The following THRAP3 variants were observed in gnomAD, a reference collection of about 807,000 sequenced individuals.
THRAP3 encodes the protein thyroid hormone receptor associated protein 3, also known as thyroid hormone receptor-associated protein 3.
A neutral mutation model predicts 101.0 loss-of-function variants in THRAP3; 16 were observed. That is an observed-to-expected ratio of 0.16 (90% CI 0.11 to 0.24). THRAP3 has a LOEUF of 0.24. Among genes scored for constraint, THRAP3 ranks in the 10% least tolerant of loss-of-function variants. The probability of loss-of-function intolerance (pLI) is 1.00; values close to 1 mark genes in which losing one functional copy is unlikely to be tolerated. For synonymous variants in THRAP3, 407 were observed against 422.6 expected (o/e 0.96, Z 0.45); for missense variants, 989 against 1,202.7 (o/e 0.82, Z 2.63).
In THRAP3 at chr1:36,269,780, T is replaced by C. The variant is rs1389665331; in HGVS notation, c.-32+10296T>C. ...CTTCTGTAGAGACAGGGTCTCACTA[T>C]GTTGCCCAGGCTGATTCGACATCCT... On this transcript the variant is annotated intron_variant, in intron 2 of 11. Coordinates refer to ENST00000354618, the MANE Select transcript of THRAP3 (RefSeq NM_005119.4). Among the ~76,000 whole-genome samples the C allele has an allele frequency of 3.3e-5, 5 of 152,068 alleles. No homozygotes were observed. The East Asian group carries it at 5.8e-4, about 18-fold the overall frequency.
At chr1:36,245,327 C>A (rs574230223) in intron 1 of THRAP3, among the ~76,000 whole-genome samples, 62 of 151,722 alleles carry the variant, frequency 4.1e-4, no homozygotes, top group African/African-American at 1.5e-3. Flanking sequence ...CCATCACACC[C>A]GGCTAATTTT....
intron 2 of THRAP3, among the ~76,000 whole-genome samples, chr1:36,262,419 CAAAAT>C (rs1227170514): frequency 1.3e-5 from 2 of 152,160 alleles, no homozygotes; most frequent in South Asian, 2.1e-4. Context: ...TAATATAAAA[CAAAAT>C]AAATCTAACA....
intron 1 of THRAP3, among the ~76,000 whole-genome samples, chr1:36,241,537 A>T (rs1645161274): frequency 6.6e-6 from 1 of 151,306 alleles, no homozygotes; most frequent in African/African-American, 2.4e-5. Context: ...TAAGACATTA[A>T]CATGAGTAGA....
At chr1:36,262,256 A>C (rs1645456099) in intron 2 of THRAP3, among the ~76,000 whole-genome samples, 1 of 152,224 alleles carries the variant, frequency 6.6e-6, no homozygotes, top group South Asian at 2.1e-4. Context: ...ATCTCAGTTC[A>C]GATCAGCCAC....
At chr1:36,289,856 CCTTCTGTCTTAAG>C in intron 5 of THRAP3, 92 bp downstream of exon 5, 1 of 1,471,350 alleles carries the variant, frequency 6.8e-7, no homozygotes, top group Non-Finnish European at 9.0e-7. Context: ...CTGTATTCCC[CCTTCTGTCTTAAG>C]CTTCAGTGGT....
At chr1:36,297,416 T>G (rs1010337147) in intron 9 of THRAP3, among the ~76,000 whole-genome samples, 53 of 152,124 alleles carry the variant, frequency 3.5e-4, no homozygotes, top group African/African-American at 1.3e-3. Flanking sequence ...GCAACACTTC[T>G]GCTGATTTTG....
At chr1:36,216,517 A>T in the THRAP3 span, among the ~76,000 whole-genome samples, 1 of 147,122 alleles carries the variant, frequency 6.8e-6, no homozygotes, top group Non-Finnish European at 1.5e-5. Context: ...AAAAAAAAAA[A>T]AATGCCGGGT....
chr1:36,209,120 G>A, the THRAP3 span, among the ~76,000 whole-genome samples: 1 of 151,660 alleles, frequency 6.6e-6, no homozygotes, highest in African/African-American at 2.4e-5. Flanking sequence ...GGAACTACAG[G>A]CACACTGATA....
At position 36,301,596 on chromosome 1, in the gene THRAP3, C is replaced by G. The variant is rs200329766; in HGVS notation, c.2546C>G (p.Ser849Cys). 70 of 1,614,050 alleles carry G rather than the reference C, an allele frequency of 4.3e-5. No individual in the cohort carries two copies. Among genetic ancestry groups the G allele is most frequent in the Admixed American group, 4.3e-4 (26 of 59,996 alleles). The change falls in exon 11 of 12, where the codon TCT becomes TGT. Residue 849 changes from serine (S) to cysteine (C), a missense_variant. By Grantham distance (112) the Ser-to-Cys change is moderately radical. Coordinates refer to ENST00000354618, the MANE Select transcript of THRAP3 (RefSeq NM_005119.4). ...AGAGGCTGGGGCAGAGGCAACTACT[C>G]TGGGAACAATAACAACAACAGCAAC... The part of the protein sequence containing the change: ...RGRGWGRGNY[S>C]GNNNNNSNND...
chr1:36,223,032 C>T (rs1228313747), upstream of THRAP3, among the ~76,000 whole-genome samples: 1 of 152,084 alleles, frequency 6.6e-6, no homozygotes, highest in Admixed American at 6.6e-5. Context: ...GAGGCTTAGG[C>T]AGGAGAATCG....
chr1:36,214,913 C>T, the THRAP3 span, among the ~76,000 whole-genome samples: 1 of 150,990 alleles, frequency 6.6e-6, no homozygotes, highest in Non-Finnish European at 1.5e-5. Context: ...GAATCACGTC[C>T]CTCCCCTGCT....
At chr1:36,293,345 AG>A (rs1212135990) in intron 7 of THRAP3, among the ~76,000 whole-genome samples, 8 of 152,150 alleles carry the variant, frequency 5.3e-5, no homozygotes, top group African/African-American at 1.9e-4. Context: ...TAGTTTCTTT[AG>A]GTAAGCCTGT....
intron 1 of THRAP3, among the ~76,000 whole-genome samples, chr1:36,238,528 A>G (rs544570558): frequency 6.6e-6 from 1 of 152,168 alleles, no homozygotes; most frequent in East Asian, 1.9e-4. Context: ...GATATTTATG[A>G]TGAGTGAGCT....
Position 36,301,489 on chromosome 1 carries a change from A to T in THRAP3, c.2503-64A>T. 4 of 1,571,538 alleles carry T rather than the reference A, an allele frequency of 2.5e-6. No homozygotes were observed. In the Admixed American group the frequency reaches 7.7e-5, roughly 30 times the overall value. ...CCAGAAAAATGTTTGAACAAAAAGC[A>T]GGGGGGTTTGTTCCCCATTCCTGGC... On this transcript the variant is annotated intron_variant, in intron 10 of 11. Coordinates refer to ENST00000354618, the MANE Select transcript of THRAP3 (RefSeq NM_005119.4).
intron 2 of THRAP3, among the ~76,000 whole-genome samples, chr1:36,269,872 C>A (rs913923038): frequency 6.6e-6 from 1 of 152,122 alleles, no homozygotes; most frequent in East Asian, 1.9e-4. Context: ...CCACTGTTTA[C>A]AGCTGCATGT....
At chr1:36,284,054 G>T (rs958027186) in intron 3 of THRAP3, among the ~76,000 whole-genome samples, 12 of 152,056 alleles carry the variant, frequency 7.9e-5, no homozygotes, top group African/African-American at 2.7e-4. Context: ...AGCTCATTTG[G>T]TTATGAAAGA....
At chr1:36,288,333 A>AGT (rs1442276396) in intron 4 of THRAP3, 12 of 956,064 alleles carry the variant, frequency 1.3e-5, no homozygotes, top group Non-Finnish European at 1.4e-5. Flanking sequence ...GAGTTCCCAA[A>AGT]GTTCATTATG....
chr1:36,301,408 A>G, intron 10 of THRAP3, 145 bp from the exon 11 acceptor site: 1 of 1,094,480 alleles, frequency 9.1e-7, no homozygotes. Flanking sequence ...GCAGAAAGGG[A>G]ATGGCTGGAA....
upstream of THRAP3, among the ~76,000 whole-genome samples, chr1:36,221,702 A>G (rs112385565): frequency 0.014 from 2,134 of 151,758 alleles, 53 homozygotes; most frequent in African/African-American, 0.047. Flanking sequence ...TCGTGCCTCA[A>G]CATCCCGAGT....
Sources: allele counts gnomAD v4.1 joint callset (sites outside exome capture counted in the v4.1 genomes callset), GRCh38; gene constraint gnomAD v4.1.1; transcripts MANE v1.5; gene names NCBI Gene and HGNC (gene_info 2026-07-23, HGNC 2026-07-21).